Variants in RGS22 observed in about 807,000 individuals in gnomAD.
The protein encoded by RGS22 is regulator of G protein signaling 22, also known as regulator of G-protein signaling 22.
In RGS22, 148 loss-of-function variants were observed where a neutral mutation model predicts 172.9. The ratio of observed to expected loss-of-function variants is 0.86; its 90% CI spans 0.75 to 0.98. The LOEUF (loss-of-function observed/expected upper bound fraction) is 0.98, where lower values mean the gene tolerates loss of function less well. Among genes scored for constraint, RGS22 ranks in the 50% least tolerant of loss-of-function variants. RGS22 has a pLI of 0.00. For missense variants in RGS22, 1,347 were observed against 1,440.8 expected (o/e 0.93, Z 1.05); for synonymous variants, 458 against 480.2 (o/e 0.95, Z 0.60).
rs768591036 is a variant in RGS22 at position 100,002,297 on chromosome 8, T to C, written c.2695A>G (p.Arg899Gly). The C allele has an allele frequency of 5.6e-6, 9 of 1,612,246 alleles. No homozygotes were observed. Among genetic ancestry groups the C allele is most frequent in the Non-Finnish European group, 7.6e-6 (9 of 1,179,400 alleles). The change falls in exon 18 of 28, where the codon AGG becomes GGG. Residue 899 changes from arginine to glycine, a missense_variant. By Grantham distance (125) the Arg-to-Gly change is moderately radical (BLOSUM62 -2). Transcript: ENST00000360863. ...RRITYRDRNQ[R>G]KAKSIYIKNK... ...TTAATGTATATAGATTTTGCCTTCC[T>C]TTGATTTCGATCTCTGTAAGTTATT...
intron 22 of RGS22, among the ~76,000 whole-genome samples, chr8:99,981,594 T>G (rs1812552674): frequency 6.6e-6 from 1 of 152,152 alleles, no homozygotes; most frequent in African/African-American, 2.4e-5. Flanking sequence ...TTCAGTCACA[T>G]ATGCAAAGAT....
At chr8:100,044,371 C>T (rs537832890) in intron 11 of RGS22, among the ~76,000 whole-genome samples, 10 of 152,318 alleles carry the variant, frequency 6.6e-5, no homozygotes, top group African/African-American at 1.9e-4. Flanking sequence ...ATCAGCCTCC[C>T]GAGTAGCTGG....
intron 14 of RGS22, among the ~76,000 whole-genome samples, chr8:100,027,578 G>A (rs1205801146): frequency 1.3e-5 from 2 of 152,122 alleles, no homozygotes; most frequent in Admixed American, 1.3e-4. Context: ...CATCTCCTGG[G>A]TTCAAGTGAT....
chr8:100,034,803 C>T (rs570050858), intron 14 of RGS22, among the ~76,000 whole-genome samples: 1 of 152,266 alleles, frequency 6.6e-6, no homozygotes, highest in South Asian at 2.1e-4. Context: ...AATAACACCA[C>T]ATATCTAGAA....
Position 100,095,689 on chromosome 8 carries a change from A to G in RGS22, c.55-2180T>C, listed in dbSNP as rs145121893. ...GCTCAGCTCATCTCACTACAGACTG[A>G]TAAGAGTTCTCAGGTGGCAGCAGTA... is the stretch of plus-strand genomic sequence containing the variant. On this transcript the variant is annotated intron_variant, in intron 2 of 27. Transcript: ENST00000360863. Among the ~76,000 whole-genome samples the G allele has an allele frequency of 2.2e-4, 34 of 152,328 alleles. No individual in the cohort carries two copies. The East Asian group carries it at 6.2e-3, about 28-fold the overall frequency.
chr8:100,089,433 C>T (rs974790415), intron 3 of RGS22, among the ~76,000 whole-genome samples: 9 of 152,218 alleles, frequency 5.9e-5, no homozygotes, highest in Middle Eastern at 3.4e-3. Context: ...ACCCTTCTTC[C>T]TCAATCAAAT....
At chr8:100,018,212 CAAAAAAAA>C in intron 14 of RGS22, among the ~76,000 whole-genome samples, 1 of 134,912 alleles carries the variant, frequency 7.4e-6, no homozygotes, top group East Asian at 2.1e-4. Flanking sequence ...GCATCTGTAT[CAAAAAAAA>C]AAAAAAAAAG....
chr8:100,080,327 G>A lies in RGS22; in HGVS notation c.146C>T (p.Ala49Val). ...AGCTACTTCAAAAACTCCATAATCTGCATTAAATCTAATTGCCTCTGAAAA... is the reference window on the plus strand; with the variant it reads ...AGCTACTTCAAAAACTCCATAATCTACATTAAATCTAATTGCCTCTGAAAA... Reference protein sequence around the residue: ...PTFSEAIRFNADYGVFEVAND... With the variant: ...PTFSEAIRFNVDYGVFEVAND... The change falls in exon 4 of 28, where the codon GCA (alanine) becomes GTA (valine). Residue 49 changes from alanine (A) to valine (V), a missense_variant. Physicochemically the swap from Ala to Val is moderately conservative, Grantham distance 64 (BLOSUM62 0). Transcript: ENST00000360863. 6.2e-7 allele frequency: 1 copy of A among 1,612,110 alleles called. No individual in the cohort carries two copies. The highest frequency in any genetic ancestry group is 1.3e-5 in the African/African-American group (1 of 74,908).
chr8:100,046,776 CGA>C (rs527782404), intron 11 of RGS22, among the ~76,000 whole-genome samples: 1 of 151,764 alleles, frequency 6.6e-6, no homozygotes, highest in Non-Finnish European at 1.5e-5. Context: ...GCTTTGCTTA[CGA>C]GAGTCAAAGA....
chr8:100,076,308 G>A (rs931191977), intron 4 of RGS22, among the ~76,000 whole-genome samples: 3 of 152,042 alleles, frequency 2.0e-5, no homozygotes, highest in Non-Finnish European at 2.9e-5. Context: ...ATTTACACCT[G>A]TATTATCTTC....
At chr8:100,018,424 A>G (rs1448680806) in intron 14 of RGS22, among the ~76,000 whole-genome samples, 1 of 94,444 alleles carries the variant, frequency 1.1e-5, no homozygotes, top group Non-Finnish European at 2.1e-5. Context: ...ATTAGAATAA[A>G]TGAAGACACA....
At position 100,106,043 on chromosome 8, in the gene RGS22, C is replaced by T; in HGVS notation, c.-122G>A. On this transcript the variant is annotated 5_prime_UTR_variant, in exon 1 of 28. Transcript: ENST00000360863. Reference sequence around the variant, plus strand: ...CGCGCGGGCTCCGGAGCTACGCTGGCTAGCGTGGCCGGCGCCGCGCCGGGG... The same window carrying T: ...CGCGCGGGCTCCGGAGCTACGCTGGTTAGCGTGGCCGGCGCCGCGCCGGGG... The T allele has an allele frequency of 8.5e-7, 1 of 1,173,422 alleles. No homozygotes were observed. The highest frequency in any genetic ancestry group is 1.1e-6 in the Non-Finnish European group (1 of 951,010). The allele number at this position is 1,173,422 out of a possible 1,614,324, so 72.7% of individuals were successfully genotyped here.
At chr8:99,989,408 A>G (rs760746922) in intron 20 of RGS22, among the ~76,000 whole-genome samples, 10 of 152,222 alleles carry the variant, frequency 6.6e-5, no homozygotes, top group African/African-American at 9.6e-5. Context: ...TTTAAAGCTA[A>G]AATTCTATCT....
At position 100,052,834 on chromosome 8, in the gene RGS22, T is replaced by C. The variant is rs953973935; in HGVS notation, c.1657A>G (p.Lys553Glu). The change falls in exon 10 of 28, where the codon AAA becomes GAA. Residue 553 changes from lysine (K) to glutamate (E), a missense_variant. Physicochemically the swap from Lys to Glu is moderately conservative, Grantham distance 56 (BLOSUM62 1). Transcript: ENST00000360863. ...TCAGGTATCTGTGGAATGCAAGATT[T>C]GGGTCTTAATGGCAAGAGGGTTGCC... Reference protein sequence around the residue: ...QMATLLPLRPKSCIPQIPEIQ... With the variant: ...QMATLLPLRPESCIPQIPEIQ... 3 of 1,614,106 alleles carry C rather than the reference T, an allele frequency of 1.9e-6. No homozygotes were observed. Among genetic ancestry groups the C allele is most frequent in the Non-Finnish European group, 2.5e-6 (3 of 1,179,984 alleles).
At chr8:100,007,244 T>A (rs1466911162) in intron 15 of RGS22, among the ~76,000 whole-genome samples, 2 of 152,172 alleles carry the variant, frequency 1.3e-5, no homozygotes, top group Non-Finnish European at 2.9e-5. Context: ...AGAATAACAA[T>A]GCAAAGGCAG....
intron 24 of RGS22, among the ~76,000 whole-genome samples, chr8:99,965,018 A>G (rs1810580223): frequency 6.6e-6 from 1 of 152,176 alleles, no homozygotes; most frequent in Admixed American, 6.5e-5. Flanking sequence ...AGAATACAAC[A>G]TCCTATATAT....
At chr8:100,104,579 T>G (rs1813776214) in intron 2 of RGS22, among the ~76,000 whole-genome samples, 2 of 152,152 alleles carry the variant, frequency 1.3e-5, no homozygotes, top group African/African-American at 2.4e-5. Flanking sequence ...TCTTCTCTCT[T>G]AGTCCCTGCT....
intron 23 of RGS22, among the ~76,000 whole-genome samples, chr8:99,967,776 CCTG>C (rs1588867239): frequency 6.6e-6 from 1 of 152,150 alleles, no homozygotes; most frequent in East Asian, 1.9e-4. Flanking sequence ...GGACAGAGCA[CCTG>C]GGGGACGGGG....
At position 100,105,883 on chromosome 8, in the gene RGS22, G is replaced by A. The variant is rs1385458272; in HGVS notation, c.25+14C>T. ...CGCGGGCTGATCCTCTGTCCCTGTGGGGCCGCCACCTACCCGCGGTGAGCC... is the reference window on the plus strand; with the variant it reads ...CGCGGGCTGATCCTCTGTCCCTGTGAGGCCGCCACCTACCCGCGGTGAGCC... On this transcript the variant is annotated intron_variant, in intron 1 of 27. Transcript: ENST00000360863. 3.3e-6 allele frequency: 5 copies of A among 1,504,520 alleles called. No individual in the cohort carries two copies. The South Asian group carries it at 6.3e-5, about 19-fold the overall frequency. The allele number at this position is 1,504,520 out of a possible 1,614,324, so 93.2% of individuals were successfully genotyped here. A position where few individuals can be genotyped will look rare whatever the true frequency, so the allele number is the denominator to read the frequency against.
Sources: gnomAD v4.1 joint callset for allele counts (sites outside exome capture counted in the v4.1 genomes callset) on GRCh38, gnomAD v4.1.1 for gene constraint, MANE v1.5 for transcripts, NCBI Gene and HGNC (gene_info 2026-07-23, HGNC 2026-07-21) for gene names.